The following NR6A1 variants were observed in gnomAD, a reference collection of about 807,000 sequenced individuals.
NR6A1 encodes the protein retinoic acid receptor-related testis-associated receptor.
A neutral mutation model predicts 59.1 loss-of-function variants in NR6A1; 7 were observed. The ratio of observed to expected loss-of-function variants is 0.12; its 90% CI spans 0.07 to 0.22. The LOEUF (loss-of-function observed/expected upper bound fraction) is 0.22. Ranked by LOEUF, NR6A1 falls within the 10% of genes least tolerant of loss-of-function variation. NR6A1 has a pLI of 1.00. For missense variants in NR6A1, 468 were observed against 611.6 expected, an observed-to-expected ratio of 0.77 and a Z score of 2.48; for synonymous variants, 243 against 236.1, an observed-to-expected ratio of 1.03 and a Z score of -0.27.
chr9:124,541,679 G>T (rs534568249), intron 4 of NR6A1, among the ~76,000 whole-genome samples: 1 of 152,232 alleles, frequency 6.6e-6, no homozygotes, highest in East Asian at 1.9e-4. Context: ...CCCATCTATG[G>T]GTATTAATCC....
chr9:124,630,700 C>CA (rs1374370386), intron 2 of NR6A1, among the ~76,000 whole-genome samples: 1 of 74,076 alleles, frequency 1.3e-5, no homozygotes, highest in Non-Finnish European at 2.2e-5. Flanking sequence ...TTTTTTGAGA[C>CA]AGAGTTTCGC....
intron 6 of NR6A1, among the ~76,000 whole-genome samples, chr9:124,537,330 G>A (rs1833298794): frequency 6.6e-6 from 1 of 152,084 alleles, no homozygotes; most frequent in Admixed American, 6.5e-5. Context: ...CTGGTGATCC[G>A]CCCACCTAGG....
intron 2 of NR6A1, among the ~76,000 whole-genome samples, chr9:124,726,011 T>C (rs1839706623): frequency 6.6e-6 from 1 of 152,164 alleles, no homozygotes; most frequent in Admixed American, 6.5e-5. Flanking sequence ...TTAACAGAAA[T>C]GAACTTTTGA....
chr9:124,722,880 G>A (rs561081926), intron 2 of NR6A1, among the ~76,000 whole-genome samples: 11 of 151,962 alleles, frequency 7.2e-5, no homozygotes, highest in Admixed American at 3.3e-4. Context: ...GCCTAGAGTC[G>A]GGGTTTCATC....
chr9:124,744,029 C>T (rs1316628948), intron 1 of NR6A1, among the ~76,000 whole-genome samples: 1 of 152,176 alleles, frequency 6.6e-6, no homozygotes, highest in East Asian at 1.9e-4. Context: ...GAATTGAAAA[C>T]CAGCCTGGGC....
At position 124,738,167 on chromosome 9, in the gene NR6A1, T is replaced by C. The variant is rs377275488; in HGVS notation, c.101-4818A>G. Among the ~76,000 whole-genome samples, 9 of 151,890 alleles carry C rather than the reference T, an allele frequency of 5.9e-5. No individual in the cohort carries two copies. In the East Asian group the frequency reaches 1.4e-3, roughly 23 times the overall value. ...TACTCAGGAGGCTGAGGCAAGAGAA[T>C]AGCTTTAACCTGGGAGGCGGAGGTT... On this transcript the variant is annotated intron_variant, in intron 1 of 9. Transcript: ENST00000487099.
At chr9:124,761,913 AG>A (rs1489352256) in intron 1 of NR6A1, among the ~76,000 whole-genome samples, 1 of 152,244 alleles carries the variant, frequency 6.6e-6, no homozygotes, top group African/African-American at 2.4e-5. Flanking sequence ...AGGTAACAAA[AG>A]CTTTATCAGA....
At chr9:124,701,966 C>T (rs1341744508) in intron 2 of NR6A1, among the ~76,000 whole-genome samples, 2 of 152,192 alleles carry the variant, frequency 1.3e-5, no homozygotes, top group Non-Finnish European at 2.9e-5. Context: ...CTCAAGTAAT[C>T]CACCCATCTC....
At chr9:124,558,822 A>AAACC (rs761035186) in intron 2 of NR6A1, among the ~76,000 whole-genome samples, 2 of 152,020 alleles carry the variant, frequency 1.3e-5, no homozygotes, top group Non-Finnish European at 2.9e-5. Context: ...TCCCCACTGA[A>AAACC]AACCAACCAA....
In NR6A1 at chr9:124,585,429, A is replaced by G. The variant is rs965141431; in HGVS notation, c.143-30859T>C. Among the ~76,000 whole-genome samples the G allele has an allele frequency of 3.3e-5, 5 of 151,994 alleles. No individual in the cohort carries two copies. In the South Asian group the frequency reaches 1.0e-3, roughly 32 times the overall value. On this transcript the variant is annotated intron_variant, in intron 2 of 9. Transcript: ENST00000487099. Reference sequence around the variant, plus strand: ...TATGGTGGCAGGCACCTGTAGTCCCAGCTACTCGGGAGGCTAAGGCAGGAG... The same window carrying G: ...TATGGTGGCAGGCACCTGTAGTCCCGGCTACTCGGGAGGCTAAGGCAGGAG...
chr9:124,748,390 T>TA (rs976027985), intron 1 of NR6A1, among the ~76,000 whole-genome samples: 1 of 152,046 alleles, frequency 6.6e-6, no homozygotes, highest in Non-Finnish European at 1.5e-5. Flanking sequence ...TTAGATTTTT[T>TA]AAAAAAAACT....
intron 2 of NR6A1, among the ~76,000 whole-genome samples, chr9:124,712,438 T>G (rs764742314): frequency 7.2e-5 from 11 of 151,864 alleles, no homozygotes; most frequent in Admixed American, 1.3e-4. Context: ...GCGAAACCCC[T>G]TCTCTACTAA....
intron 1 of NR6A1, among the ~76,000 whole-genome samples, chr9:124,761,195 G>T (rs528849829): frequency 1.2e-4 from 18 of 152,138 alleles, no homozygotes; most frequent in Non-Finnish European, 2.2e-4. Flanking sequence ...TAAAAGAAAG[G>T]CTTGTATTTT....
intron 2 of NR6A1, among the ~76,000 whole-genome samples, chr9:124,683,235 G>GGGAAAAGGAAAA (rs144520685): frequency 0.031 from 4,571 of 149,858 alleles, 105 homozygotes; most frequent in Non-Finnish European, 0.046. Flanking sequence ...GAAAGGGAAA[G>GGGAAAAGGAAAA]GGAAAAGGAA....
At chr9:124,624,008 C>T (rs1836160612) in intron 2 of NR6A1, among the ~76,000 whole-genome samples, 1 of 152,134 alleles carries the variant, frequency 6.6e-6, no homozygotes, top group Non-Finnish European at 1.5e-5. Flanking sequence ...TTATTATTCC[C>T]ATTTCAGAGA....
intron 2 of NR6A1, among the ~76,000 whole-genome samples, chr9:124,565,808 T>C (rs1468003894): frequency 6.6e-6 from 1 of 152,224 alleles, no homozygotes; most frequent in Non-Finnish European, 1.5e-5. Context: ...GGCTGAAATT[T>C]AAAAAGACTT....
chr9:124,733,622 T>G (rs1839944340), intron 1 of NR6A1, among the ~76,000 whole-genome samples: 1 of 152,148 alleles, frequency 6.6e-6, no homozygotes, highest in South Asian at 2.1e-4. Flanking sequence ...TGCCACACAG[T>G]AGGAGCTCAA....
At chr9:124,615,813 AC>A (rs1835873099) in intron 2 of NR6A1, among the ~76,000 whole-genome samples, 1 of 152,094 alleles carries the variant, frequency 6.6e-6, no homozygotes, top group African/African-American at 2.4e-5. Context: ...TAGTACTTGT[AC>A]AATCTTAGGT....
chr9:124,733,217 G>C, intron 2 of NR6A1, 91 bp downstream of exon 2: 1 of 906,730 alleles, frequency 1.1e-6, no homozygotes, highest in Non-Finnish European at 1.8e-6. Context: ...ATAAAGTAAG[G>C]CTTATCAATG....
Sources: allele counts gnomAD v4.1 joint callset (sites outside exome capture counted in the v4.1 genomes callset), GRCh38; gene constraint gnomAD v4.1.1; transcripts MANE v1.5; gene names NCBI Gene and HGNC (gene_info 2026-07-23, HGNC 2026-07-21).